Variants in AKT2 observed in about 807,000 individuals in gnomAD.
AKT2 encodes the protein RAC-beta serine/threonine-protein kinase.
In AKT2, 16 loss-of-function variants were observed where a neutral mutation model predicts 58.6. That is an observed-to-expected ratio of 0.27 (90% CI 0.18 to 0.41). The LOEUF (loss-of-function observed/expected upper bound fraction) is 0.41. Among genes scored for constraint, AKT2 ranks in the 10% least tolerant of loss-of-function variants. AKT2 has a pLI of 1.00. For synonymous variants in AKT2, 253 were observed against 254.0 expected (o/e 1.00, Z 0.04); for missense variants, 438 against 661.0 (o/e 0.66, Z 3.70).
At chr19:40,246,524 T>A (rs1051982120) in intron 4 of AKT2, among the ~76,000 whole-genome samples, 1 of 152,082 alleles carries the variant, frequency 6.6e-6, no homozygotes, top group Non-Finnish European at 1.5e-5. Flanking sequence ...AAAAAAAAAA[T>A]CACAGATCTC....
chr19:40,246,051 C>A (rs1974731995), intron 4 of AKT2, among the ~76,000 whole-genome samples: 1 of 150,284 alleles, frequency 6.7e-6, no homozygotes, highest in South Asian at 2.1e-4. Flanking sequence ...CAAATTACAG[C>A]CTAATTCCCA....
rs901926962 is a variant in AKT2 at position 40,238,470 on chromosome 19, C to T, written c.709-379G>A. 6.6e-6 allele frequency among the ~76,000 whole-genome samples: 1 copy of T among 152,144 alleles called. No homozygotes were observed. The highest frequency in any genetic ancestry group is 2.4e-5 in the African/African-American group (1 of 41,430). ...TGTGCCAACCACTGCACAGAGAAGGCGCGAGGCAAGGAGTGGGTGACAAAA... is the reference window on the plus strand; with the variant it reads ...TGTGCCAACCACTGCACAGAGAAGGTGCGAGGCAAGGAGTGGGTGACAAAA... On this transcript the variant is annotated intron_variant, in intron 8 of 13. Coordinates refer to ENST00000392038, the MANE Select transcript of AKT2 (RefSeq NM_001626.6). This position sits in a 1 kb window ranked among gnomAD's most constrained non-coding sequence, Gnocchi z 5.1.
rs1973953180 is a variant in AKT2 at position 40,235,354 on chromosome 19, T to C, written c.1176-4A>G. 6.2e-7 allele frequency: 1 copy of C among 1,613,708 alleles called. No homozygotes were observed. Among genetic ancestry groups the C allele is most frequent in the Non-Finnish European group, 8.5e-7 (1 of 1,180,016 alleles). On this transcript the variant is annotated splice_region_variant and splice_polypyrimidine_tract_variant and intron_variant, in intron 11 of 13. Transcript: ENST00000392038. The surrounding 1 kb of genome is among the most constrained non-coding windows in gnomAD (Gnocchi z 6.3). ...ATCGCTGGGCCCCCCACCAAGCCTG[T>C]GCAGAGACGGCCGTCAGCACCTGCC...
At chr19:40,255,881 T>C (rs1975506377) in intron 3 of AKT2, among the ~76,000 whole-genome samples, 1 of 151,870 alleles carries the variant, frequency 6.6e-6, no homozygotes, top group Non-Finnish European at 1.5e-5. Flanking sequence ...GGCTGCCATG[T>C]AGAGGGTGAG....
chr19:40,234,912 A>T lies in AKT2; in HGVS notation c.1366+133T>A, dbSNP rs764400116. The T allele has an allele frequency of 9.2e-6, 8 of 868,228 alleles. No homozygotes were observed. In the South Asian group the frequency reaches 1.1e-4, roughly 12 times the overall value. 53.8% of individuals were successfully genotyped at this position (868,228 alleles called of 1,614,324 possible). On this transcript the variant is annotated intron_variant, in intron 13 of 13. Coordinates refer to ENST00000392038, the MANE Select transcript of AKT2 (RefSeq NM_001626.6). This position sits in a 1 kb window ranked among gnomAD's most constrained non-coding sequence, Gnocchi z 4.7. ...AGGACCAACAGCAAAAGGGCCTGAG[A>T]GCAGACTTGGGGAAATCTCCCAGAC...
chr19:40,278,658 T>C (rs2077369176), intron 1 of AKT2, among the ~76,000 whole-genome samples: 1 of 151,984 alleles, frequency 6.6e-6, no homozygotes, highest in Admixed American at 6.6e-5. Flanking sequence ...CCCACTGCCC[T>C]GCAGAGCCCC....
At chr19:40,240,327 G>A (rs1259686794) in intron 6 of AKT2, 2 of 734,484 alleles carry the variant, frequency 2.7e-6, no homozygotes, top group Admixed American at 3.9e-5. Flanking sequence ...TGAAAAGTCA[G>A]CAGGAATGTC....
In AKT2 at chr19:40,234,152, TC is replaced by T. The variant is rs1263299283; in HGVS notation, c.1367-202del. 6.6e-6 allele frequency among the ~76,000 whole-genome samples: 1 copy of T among 152,068 alleles called. No individual in the cohort carries two copies. Among genetic ancestry groups the T allele is most frequent in the African/African-American group, 2.4e-5 (1 of 41,402 alleles). On this transcript the variant is annotated intron_variant, in intron 13 of 13. Coordinates refer to ENST00000392038, the MANE Select transcript of AKT2 (RefSeq NM_001626.6). The surrounding 1 kb of genome is among the most constrained non-coding windows in gnomAD (Gnocchi z 4.7). ...CCCCGGGCGGCCTCCTCTGGGAGTT[TC>T]CTGTGCCCTTGCCCATGCGCCCCAC...
chr19:40,261,559 C>T (rs1341017433), intron 2 of AKT2, among the ~76,000 whole-genome samples: 5 of 151,158 alleles, frequency 3.3e-5, no homozygotes, highest in Non-Finnish European at 5.9e-5. Flanking sequence ...AAGACAAGTT[C>T]AGCCCTGTCT....
intron 3 of AKT2, 163 bp from the exon 4 acceptor site, chr19:40,255,432 G>C: frequency 1.7e-6 from 1 of 590,498 alleles, no homozygotes; most frequent in Non-Finnish European, 3.1e-6. Context: ...ACAGGGCTCA[G>C]GGTCTAGTGT....
At chr19:40,250,215 C>T (rs1975050808) in intron 4 of AKT2, among the ~76,000 whole-genome samples, 1 of 152,156 alleles carries the variant, frequency 6.6e-6, no homozygotes, top group Admixed American at 6.5e-5. Context: ...ATAAGATTTA[C>T]ATCAAGGCCA....
chr19:40,235,206 T>C lies in AKT2; in HGVS notation c.1263+57A>G. ...TGAGGCCAGGAGGCCTCAACCAAGG[T>C]CACCACGAGTGGGCCAGGTCCCTGA... On this transcript the variant is annotated intron_variant, in intron 12 of 13. Coordinates refer to ENST00000392038, the MANE Select transcript of AKT2 (RefSeq NM_001626.6). The surrounding 1 kb of genome is among the most constrained non-coding windows in gnomAD (Gnocchi z 6.3). 6.2e-7 allele frequency: 1 copy of C among 1,613,370 alleles called. No individual in the cohort carries two copies. Among genetic ancestry groups the C allele is most frequent in the Non-Finnish European group, 8.5e-7 (1 of 1,179,522 alleles).
intron 1 of AKT2, among the ~76,000 whole-genome samples, chr19:40,266,921 C>G (rs540182722): frequency 6.6e-6 from 1 of 152,296 alleles, no homozygotes; most frequent in South Asian, 2.1e-4. Context: ...TTGATTGCAC[C>G]ACTGCACTCC....
chr19:40,275,401 G>A (rs983931350), intron 1 of AKT2: 6 of 441,442 alleles, frequency 1.4e-5, no homozygotes, highest in African/African-American at 2.0e-5. Flanking sequence ...CAGTGGGTCT[G>A]CATCAAGGCT....
chr19:40,236,447 T>C, intron 9 of AKT2, 62 bp from the exon 10 acceptor site: 1 of 1,610,922 alleles, frequency 6.2e-7, no homozygotes, highest in Non-Finnish European at 8.5e-7. Context: ...ACCCCAGCCT[T>C]TCCTTCCAGG....
chr19:40,252,129 C>T (rs1206949211), intron 4 of AKT2, among the ~76,000 whole-genome samples: 2 of 152,144 alleles, frequency 1.3e-5, no homozygotes, highest in African/African-American at 2.4e-5. Context: ...GCCCTGCAAC[C>T]CCTGCCTCCC....
At chr19:40,246,383 C>T (rs540918449) in intron 4 of AKT2, among the ~76,000 whole-genome samples, 5 of 152,256 alleles carry the variant, frequency 3.3e-5, no homozygotes, top group African/African-American at 1.2e-4. Flanking sequence ...CTCGGTCTCC[C>T]CAAGTGCTGG....
intron 1 of AKT2, among the ~76,000 whole-genome samples, chr19:40,281,796 C>T (rs992373099): frequency 1.3e-5 from 2 of 152,384 alleles, no homozygotes; most frequent in Middle Eastern, 3.4e-3. Context: ...AGACCAACAG[C>T]TCACCATGTG....
In AKT2 at chr19:40,241,535, G is replaced by C. The variant is rs1974405702; in HGVS notation, c.573+403C>G. The C allele has an allele frequency of 1.1e-5, 3 of 274,954 alleles. No homozygotes were observed. The Admixed American group carries it at 1.5e-4, about 14-fold the overall frequency. The allele number at this position is 274,954 out of a possible 1,614,324, so 17.0% of individuals were successfully genotyped here. On this transcript the variant is annotated intron_variant, in intron 6 of 13. Transcript: ENST00000392038. ...TCTTTTTAAATTTTTGAATGTCTTT[G>C]GAATCTTCCACTACAAAAAATTCAA... is the stretch of plus-strand genomic sequence containing the variant.
Sources: allele counts gnomAD v4.1 joint callset (sites outside exome capture counted in the v4.1 genomes callset), GRCh38; gene constraint gnomAD v4.1.1; non-coding constraint Gnocchi (gnomAD v3.1); transcripts MANE v1.5; gene names NCBI Gene and HGNC (gene_info 2026-07-23, HGNC 2026-07-21).